ATOSA: variants seen among roughly 807,000 people sequenced by gnomAD.
ATOSA encodes atos homolog protein A.
the ATOSA span, among the ~76,000 whole-genome samples, chr15:52,672,172 CAAAAAAAAAAAA>C: frequency 3.2e-5 from 2 of 62,552 alleles, no homozygotes; most frequent in African/African-American, 6.9e-5. Flanking sequence ...CCCCATTTCT[CAAAAAAAAAAAA>C]AAAAAAAAAA....
chr15:52,633,996 A>C, the ATOSA span, among the ~76,000 whole-genome samples: 9 of 152,198 alleles, frequency 5.9e-5, no homozygotes, highest in African/African-American at 1.9e-4. Flanking sequence ...TATTGCTTGG[A>C]GGTAGCCTAT....
At chr15:52,614,020 A>G in the ATOSA span, 1 of 687,754 alleles carries the variant, frequency 1.5e-6, no homozygotes. Flanking sequence ...TTGATTCACA[A>G]ACTACAGAAG....
At chr15:52,628,092 A>C in the ATOSA span, among the ~76,000 whole-genome samples, 1 of 152,208 alleles carries the variant, frequency 6.6e-6, no homozygotes, top group Non-Finnish European at 1.5e-5. Context: ...GACATGTGGG[A>C]ATTTGGAATT....
chr15:52,698,078 G>A, the ATOSA span, among the ~76,000 whole-genome samples: 1 of 143,114 alleles, frequency 7.0e-6, no homozygotes, highest in African/African-American at 2.6e-5. Context: ...CCGGATTCAA[G>A]TGATTCTCCT....
At chr15:52,684,150 A>G in the ATOSA span, among the ~76,000 whole-genome samples, 3 of 152,238 alleles carry the variant, frequency 2.0e-5, no homozygotes, top group Admixed American at 1.3e-4. Flanking sequence ...GCTCTGGCCA[A>G]TACAGTAGCT....
the ATOSA span, among the ~76,000 whole-genome samples, chr15:52,639,450 T>A: frequency 6.6e-6 from 1 of 152,208 alleles, no homozygotes; most frequent in Non-Finnish European, 1.5e-5. Flanking sequence ...TTTACAGATA[T>A]GCCAGAATAA....
the ATOSA span, among the ~76,000 whole-genome samples, chr15:52,634,908 C>T: frequency 2.6e-5 from 4 of 151,552 alleles, no homozygotes; most frequent in Admixed American, 2.6e-4. Context: ...GGCCAGATGT[C>T]AATTTTGAAT....
the ATOSA span, among the ~76,000 whole-genome samples, chr15:52,670,491 G>A: frequency 2.0e-5 from 3 of 152,168 alleles, no homozygotes; most frequent in Non-Finnish European, 4.4e-5. Context: ...GATCCTAAAA[G>A]CTTAGTGTCT....
chr15:52,615,357 T>C, the ATOSA span, among the ~76,000 whole-genome samples: 1 of 152,242 alleles, frequency 6.6e-6, no homozygotes, highest in Non-Finnish European at 1.5e-5. Context: ...GTGCACACAC[T>C]ATTCAATTTG....
the ATOSA span, chr15:52,611,147 T>C: frequency 1.2e-6 from 2 of 1,613,506 alleles, no homozygotes; most frequent in African/African-American, 2.7e-5. Flanking sequence ...GAATATTTCG[T>C]GGAATAGCAC....
the ATOSA span, chr15:52,608,623 C>T: frequency 3.7e-5 from 60 of 1,607,740 alleles, no homozygotes; most frequent in Non-Finnish European, 1.3e-5. Context: ...TTTTATACTT[C>T]TTCTCTGAGA....
chr15:52,610,529 T>C, the ATOSA span: 2 of 773,160 alleles, frequency 2.6e-6, no homozygotes, highest in Non-Finnish European at 4.0e-6. Flanking sequence ...CACTTTACCA[T>C]GCATATAATT....
At chr15:52,610,846 TCAGAA>T in the ATOSA span, among the ~76,000 whole-genome samples, 448 of 152,322 alleles carry the variant, frequency 2.9e-3, no homozygotes, top group Middle Eastern at 0.01. Context: ...ATTCAGCAGC[TCAGAA>T]AACTTTTCTA....
the ATOSA span, chr15:52,649,640 A>G: frequency 6.6e-6 from 1 of 152,188 alleles, no homozygotes; most frequent in Non-Finnish European, 1.5e-5. Context: ...GTATTTTTCC[A>G]TAAGCACAAA....
At chr15:52,664,491 A>T in the ATOSA span, among the ~76,000 whole-genome samples, 1 of 152,180 alleles carries the variant, frequency 6.6e-6, no homozygotes, top group Non-Finnish European at 1.5e-5. Flanking sequence ...CCATTTTTAC[A>T]GATTTCCGGG....
At chr15:52,605,756 C>A in the ATOSA span, among the ~76,000 whole-genome samples, 1 of 152,102 alleles carries the variant, frequency 6.6e-6, no homozygotes, top group African/African-American at 2.4e-5. Flanking sequence ...CAGAATTTAT[C>A]ATCTAGCAAA....
At chr15:52,593,649 T>G in the ATOSA span, 1 of 1,563,574 alleles carries the variant, frequency 6.4e-7, no homozygotes, top group Admixed American at 1.9e-5. Flanking sequence ...GTCAAATGTG[T>G]GGGGCAGAAA....
chr15:52,640,571 C>CAAAAAAAAAAAAAAAAAAAAA, the ATOSA span, among the ~76,000 whole-genome samples: 6 of 27,570 alleles, frequency 2.2e-4, 1 homozygote, highest in African/African-American at 9.0e-4. Context: ...ACTCAAGTCT[C>CAAAAAAAAAAAAAAAAAAAAA]AAAAAAAAAA....
the ATOSA span, among the ~76,000 whole-genome samples, chr15:52,693,512 T>C: frequency 0.17 from 25,863 of 152,106 alleles, 2,588 homozygotes; most frequent in African/African-American, 0.28. Context: ...TAAAAATTAA[T>C]AGCTTCTAGT....
Sources: gnomAD v4.1 joint callset for allele counts (sites outside exome capture counted in the v4.1 genomes callset) on GRCh38, gnomAD v4.1.1 for gene constraint, MANE v1.5 for transcripts, NCBI Gene and HGNC (gene_info 2026-07-23, HGNC 2026-07-21) for gene names.